Variants in NOL4 observed in about 807,000 individuals in gnomAD.
The protein encoded by NOL4 is cancer/testis antigen 125.
In NOL4, 17 loss-of-function variants were observed where a neutral mutation model predicts 75.9. That is an observed-to-expected ratio of 0.22 (90% CI 0.15 to 0.34). The LOEUF (loss-of-function observed/expected upper bound fraction) is 0.34. Among genes scored for constraint, NOL4 ranks in the 10% least tolerant of loss-of-function variants. The probability of loss-of-function intolerance (pLI) is 1.00; values close to 1 mark genes in which losing one functional copy is unlikely to be tolerated. For missense variants in NOL4, 614 were observed against 793.5 expected, an observed-to-expected ratio of 0.77 and a Z score of 2.72; for synonymous variants, 292 against 289.9, an observed-to-expected ratio of 1.01 and a Z score of -0.07.
At chr18:33,905,547 A>G (rs1408543530) in intron 9 of NOL4, among the ~76,000 whole-genome samples, 1 of 152,140 alleles carries the variant, frequency 6.6e-6, no homozygotes, top group Non-Finnish European at 1.5e-5. Context: ...GGAGATTTTC[A>G]TATGTTTGGC....
At chr18:34,174,538 T>G (rs2146288084) in intron 1 of NOL4, among the ~76,000 whole-genome samples, 1 of 151,988 alleles carries the variant, frequency 6.6e-6, no homozygotes, top group East Asian at 1.9e-4. Flanking sequence ...TTCCTTTTTT[T>G]ATTGTGTTTT....
At chr18:34,178,726 G>A (rs958047220) in intron 1 of NOL4, among the ~76,000 whole-genome samples, 59 of 151,560 alleles carry the variant, frequency 3.9e-4, no homozygotes, top group African/African-American at 1.4e-3. Context: ...CAGAATGGAG[G>A]GGTGAAATAG....
chr18:34,132,130 TATTACC>T (rs1437369520), intron 1 of NOL4, among the ~76,000 whole-genome samples: 1 of 152,216 alleles, frequency 6.6e-6, no homozygotes, highest in Non-Finnish European at 1.5e-5. Context: ...GGCTGCATTA[TATTACC>T]ATTGTCTCTT....
chr18:33,855,627 C>T (rs914239085), intron 10 of NOL4, among the ~76,000 whole-genome samples: 1 of 151,964 alleles, frequency 6.6e-6, no homozygotes, highest in Non-Finnish European at 1.5e-5. Context: ...CAAAGTGATG[C>T]GAACCTGCTT....
intron 9 of NOL4, among the ~76,000 whole-genome samples, chr18:33,889,903 T>C (rs1004127387): frequency 6.6e-6 from 1 of 152,096 alleles, no homozygotes; most frequent in South Asian, 2.1e-4. Context: ...TAATAAGAGA[T>C]ATTTATGATG....
At chr18:34,197,739 G>A (rs1042277893) in intron 1 of NOL4, among the ~76,000 whole-genome samples, 2 of 151,878 alleles carry the variant, frequency 1.3e-5, no homozygotes, top group African/African-American at 4.8e-5. Flanking sequence ...CTGGCAGAGG[G>A]AACAACATAG....
chr18:34,081,416 CTA>C (rs1438127916), intron 5 of NOL4, among the ~76,000 whole-genome samples: 2 of 152,020 alleles, frequency 1.3e-5, no homozygotes, highest in Non-Finnish European at 2.9e-5. Context: ...ATTGAAATGA[CTA>C]TCACTATTAT....
intron 5 of NOL4, among the ~76,000 whole-genome samples, chr18:34,084,587 T>C (rs2078162518): frequency 6.6e-6 from 1 of 152,198 alleles, no homozygotes; most frequent in African/African-American, 2.4e-5. Context: ...TATGCAAGGA[T>C]ACATAAGATA....
intron 6 of NOL4, among the ~76,000 whole-genome samples, chr18:33,978,785 C>T (rs552728875): frequency 5.1e-4 from 78 of 151,562 alleles, no homozygotes; most frequent in Admixed American, 8.6e-4. Flanking sequence ...AATATAAATG[C>T]TATTTAAATA....
chr18:33,901,374 A>C (rs1313914048), intron 9 of NOL4, among the ~76,000 whole-genome samples: 2 of 152,144 alleles, frequency 1.3e-5, no homozygotes, highest in Non-Finnish European at 2.9e-5. Flanking sequence ...AGGCTTTAAA[A>C]ATGGTTAACA....
intron 1 of NOL4, among the ~76,000 whole-genome samples, chr18:34,180,085 A>G (rs1055137072): frequency 6.6e-6 from 1 of 151,590 alleles, no homozygotes; most frequent in Non-Finnish European, 1.5e-5. Flanking sequence ...TTCTCTTTAC[A>G]TAGTCTTCCA....
Position 33,962,024 on chromosome 18 carries a change from G to T in NOL4, c.1057-3606C>A, listed in dbSNP as rs554473269. On this transcript the variant is annotated intron_variant, in intron 6 of 10. Coordinates refer to ENST00000261592, the MANE Select transcript of NOL4 (RefSeq NM_003787.5). ...GCCCCTCGCTCTACCAGGTAAAATT[G>T]CCAATCCCTTGGGTACCAACCTTCT... Among the ~76,000 whole-genome samples, 23 of 152,102 alleles carry T rather than the reference G, an allele frequency of 1.5e-4. No homozygotes were observed. The Middle Eastern group carries it at 0.01, about 67-fold the overall frequency.
intron 1 of NOL4, among the ~76,000 whole-genome samples, chr18:34,187,366 ACTT>A (rs1568431318): frequency 6.0e-4 from 76 of 126,120 alleles, no homozygotes; most frequent in Non-Finnish European, 8.6e-4. Context: ...TTAATAGTCC[ACTT>A]CTTTTTTTTT....
In NOL4 at chr18:33,921,793, G is replaced by A. The variant is rs181369919; in HGVS notation, c.1542+21272C>T. ...GTGGTACTTTGTGTTGGCAGCCCTA[G>A]AAAGCCAGTAATGTCCACTGTAGTG... On this transcript the variant is annotated intron_variant, in intron 9 of 10. Transcript: ENST00000261592. 3.0e-4 allele frequency among the ~76,000 whole-genome samples: 45 copies of A among 152,298 alleles called. 1 individual carries two copies. Among genetic ancestry groups the A allele is most frequent in the Admixed American group, 2.8e-3 (43 of 15,302 alleles).
At chr18:34,061,862 T>C (rs1000701487) in intron 5 of NOL4, among the ~76,000 whole-genome samples, 4 of 152,190 alleles carry the variant, frequency 2.6e-5, no homozygotes. Context: ...CCAGAATGAT[T>C]GAACAGTCAG....
intron 1 of NOL4, among the ~76,000 whole-genome samples, chr18:34,135,861 C>T (rs895797289): frequency 1.4e-4 from 21 of 151,852 alleles, no homozygotes; most frequent in South Asian, 6.2e-4. Flanking sequence ...TATCTTGATA[C>T]AAAAATCAAA....
chr18:33,989,618 T>C (rs545886105), intron 6 of NOL4, among the ~76,000 whole-genome samples: 2 of 152,178 alleles, frequency 1.3e-5, no homozygotes, highest in African/African-American at 4.8e-5. Flanking sequence ...ATTTCAAAGA[T>C]TGAAGCCAAA....
At position 33,852,699 on chromosome 18, in the gene NOL4, C is replaced by T. The variant is rs899586552; in HGVS notation, c.*143G>A. On this transcript the variant is annotated 3_prime_UTR_variant, in exon 11 of 11. Transcript: ENST00000261592. ...TTGAAGCACCTTAACACATCACTTA[C>T]GGATCAAGGACAATGTGGCATAATG... 5 of 726,588 alleles carry T rather than the reference C, an allele frequency of 6.9e-6. No individual in the cohort carries two copies. The highest frequency in any genetic ancestry group is 8.8e-6 in the Non-Finnish European group (4 of 452,130). The allele number at this position is 726,588 out of a possible 1,614,324, so 45.0% of individuals were successfully genotyped here.
At chr18:34,157,334 T>C (rs1156803749) in intron 1 of NOL4, among the ~76,000 whole-genome samples, 1 of 152,170 alleles carries the variant, frequency 6.6e-6, no homozygotes, top group Non-Finnish European at 1.5e-5. Flanking sequence ...TAAATGGCCC[T>C]CATGCTTCTG....
Sources: gnomAD v4.1 joint callset for allele counts (sites outside exome capture counted in the v4.1 genomes callset) on GRCh38, gnomAD v4.1.1 for gene constraint, MANE v1.5 for transcripts, NCBI Gene and HGNC (gene_info 2026-07-23, HGNC 2026-07-21) for gene names.